The following NINL variants were observed in gnomAD, a reference collection of about 807,000 sequenced individuals.
NINL encodes ninein like, also known as ninein-like protein.
NINL carries 153 observed loss-of-function variants against 160.3 expected under a neutral mutation model. The ratio of observed to expected loss-of-function variants is 0.95; its 90% CI spans 0.84 to 1.09. The LOEUF is 1.09. Among genes scored for constraint, NINL ranks in the 50% least tolerant of loss-of-function variants. The probability of loss-of-function intolerance (pLI) is 0.00; values close to 1 mark genes in which losing one functional copy is unlikely to be tolerated. For synonymous variants in NINL, 800 were observed against 734.8 expected (o/e 1.09, Z -1.43); for missense variants, 1,829 against 1,764.0 (o/e 1.04, Z -0.66).
Position 25,476,409 on chromosome 20 carries a change from G to T in NINL, c.2882C>A (p.Pro961His), listed in dbSNP as rs1372129398. The T allele has an allele frequency of 6.3e-7, 1 of 1,574,826 alleles. No homozygotes were observed. Among genetic ancestry groups the T allele is most frequent in the Non-Finnish European group, 8.6e-7 (1 of 1,166,478 alleles). ...CCTGCACGAAGCGGCCGGCCTCAGG[G>T]GTGGCTCCCACATCCGTGGCTGGGT... ...SQTQPRMWEP[P>H]LRPAASCRGQ... Residue 961 changes from proline to histidine, a missense_variant, in exon 17 of 24, where the codon CCC (proline) becomes CAC (histidine). Coordinates refer to ENST00000278886, the MANE Select transcript of NINL (RefSeq NM_025176.6).
Position 25,515,698 on chromosome 20 carries a change from TC to T in NINL, c.277+2054del, listed in dbSNP as rs73620344. Among the ~76,000 whole-genome samples, 84 of 152,266 alleles carry T rather than the reference TC, an allele frequency of 5.5e-4. No individual in the cohort carries two copies. The East Asian group carries it at 0.016, about 29-fold the overall frequency. On this transcript the variant is annotated intron_variant, in intron 3 of 23. Transcript: ENST00000278886. Reference sequence around the variant, plus strand: ...GTGATTGAATCATGGAGGCAGAACTTCCCCCTTGCTGTTTTTGTGACAGTGA... The same window carrying T: ...GTGATTGAATCATGGAGGCAGAACTTCCCCTTGCTGTTTTTGTGACAGTGA...
intron 1 of NINL, among the ~76,000 whole-genome samples, chr20:25,569,608 G>A (rs1600360028): frequency 6.6e-6 from 1 of 152,162 alleles, no homozygotes; most frequent in South Asian, 2.1e-4. Context: ...CTCCTGGGAG[G>A]CCCTGCAGGA....
chr20:25,567,731 T>C (rs1373056109), intron 1 of NINL, among the ~76,000 whole-genome samples: 1 of 152,128 alleles, frequency 6.6e-6, no homozygotes, highest in Non-Finnish European at 1.5e-5. Flanking sequence ...ATACAAAATA[T>C]GCTATCAGAC....
chr20:25,519,988 TCAAAAAAAA>T (rs2064233180), intron 2 of NINL, among the ~76,000 whole-genome samples: 1 of 11,556 alleles, frequency 8.7e-5, no homozygotes, highest in African/African-American at 3.4e-4. Context: ...AGACCCCGTC[TCAAAAAAAA>T]AAAAAAAAAA....
intron 5 of NINL, among the ~76,000 whole-genome samples, chr20:25,506,775 C>T (rs771843671): frequency 1.3e-5 from 2 of 152,200 alleles, no homozygotes; most frequent in Non-Finnish European, 2.9e-5. Flanking sequence ...TGACCTCACA[C>T]CATCAAGAAG....
In NINL at chr20:25,512,819, A is replaced by G. The variant is rs762832559; in HGVS notation, c.450+15T>C. 1.9e-6 allele frequency: 3 copies of G among 1,593,674 alleles called. No individual in the cohort carries two copies. Among genetic ancestry groups the G allele is most frequent in the South Asian group, 1.1e-5 (1 of 89,234 alleles). On this transcript the variant is annotated intron_variant, in intron 4 of 23. Transcript: ENST00000278886. Reference sequence around the variant, plus strand: ...CAACACTGGGCAGCTGGGGTGGGAGAGGGGCCTGACCCACCTCCACGCTCT... The same window carrying G: ...CAACACTGGGCAGCTGGGGTGGGAGGGGGGCCTGACCCACCTCCACGCTCT...
intron 10 of NINL, 101 bp downstream of exon 10, chr20:25,496,562 C>A: frequency 7.0e-7 from 1 of 1,434,126 alleles, no homozygotes; most frequent in Non-Finnish European, 9.5e-7. Context: ...CACTGAGCCA[C>A]ACCCGCAGCT....
At chr20:25,563,730 T>G (rs957863353) in intron 1 of NINL, among the ~76,000 whole-genome samples, 3 of 152,174 alleles carry the variant, frequency 2.0e-5, no homozygotes, top group African/African-American at 7.2e-5. Flanking sequence ...ACAGCCATAT[T>G]AATATGAAAA....
At chr20:25,511,095 T>TATCA (rs1037896785) in intron 4 of NINL, among the ~76,000 whole-genome samples, 1 of 152,200 alleles carries the variant, frequency 6.6e-6, no homozygotes, top group African/African-American at 2.4e-5. Flanking sequence ...TGCATGGTGA[T>TATCA]GGCTTCAGAC....
intron 1 of NINL, among the ~76,000 whole-genome samples, chr20:25,553,115 T>TTG (rs927134942): frequency 1.7e-4 from 24 of 144,838 alleles, no homozygotes; most frequent in African/African-American, 5.6e-4. Flanking sequence ...TTTTTTTTTT[T>TTG]TTTTTTGGAG....
At chr20:25,552,171 T>C (rs1297428989) in intron 1 of NINL, among the ~76,000 whole-genome samples, 1 of 152,182 alleles carries the variant, frequency 6.6e-6, no homozygotes, top group Non-Finnish European at 1.5e-5. Flanking sequence ...CAAAATTTCA[T>C]TTTCTTTTAC....
intron 1 of NINL, among the ~76,000 whole-genome samples, chr20:25,547,401 T>G (rs768085308): frequency 2.0e-5 from 3 of 152,170 alleles, no homozygotes; most frequent in Non-Finnish European, 2.9e-5. Context: ...TATCAGATGA[T>G]CAACCCCCAG....
intron 1 of NINL, among the ~76,000 whole-genome samples, chr20:25,552,824 T>C (rs538232650): frequency 2.6e-5 from 4 of 152,342 alleles, no homozygotes; most frequent in Non-Finnish European, 4.4e-5. Flanking sequence ...TCTTACAGCT[T>C]GGAGGACAAG....
At chr20:25,549,862 A>G (rs2064785576) in intron 1 of NINL, among the ~76,000 whole-genome samples, 1 of 152,226 alleles carries the variant, frequency 6.6e-6, no homozygotes, top group Non-Finnish European at 1.5e-5. Context: ...TCAGAACTCC[A>G]GGTAGAATAT....
chr20:25,515,726 T>G (rs528594586), intron 3 of NINL, among the ~76,000 whole-genome samples: 1 of 152,078 alleles, frequency 6.6e-6, no homozygotes, highest in Non-Finnish European at 1.5e-5. Flanking sequence ...TGACAGTGAG[T>G]GAGTTCTCAT....
intron 14 of NINL, among the ~76,000 whole-genome samples, 169 bp from the exon 15 acceptor site, chr20:25,480,436 C>T (rs1239394722): frequency 1.3e-5 from 2 of 152,160 alleles, no homozygotes; most frequent in African/African-American, 2.4e-5. Flanking sequence ...CATAGCATTC[C>T]GTTATTTATC....
chr20:25,487,727 T>C (rs1426882322), intron 13 of NINL, among the ~76,000 whole-genome samples: 2 of 152,254 alleles, frequency 1.3e-5, no homozygotes, highest in Non-Finnish European at 2.9e-5. Flanking sequence ...TTTTCTGTAT[T>C]GTTAATAATC....
chr20:25,532,652 A>C (rs532277276), intron 1 of NINL, among the ~76,000 whole-genome samples: 274 of 152,336 alleles, frequency 1.8e-3, no homozygotes, highest in Admixed American at 4.5e-3. Context: ...CTCTGCCCAG[A>C]GAGCAGCTGC....
intron 4 of NINL, among the ~76,000 whole-genome samples, chr20:25,511,351 G>A (rs568264698): frequency 2.2e-3 from 330 of 152,238 alleles, no homozygotes; most frequent in Non-Finnish European, 2.9e-3. Flanking sequence ...ACAAGAGCCC[G>A]GGCCATCAAG....
Sources: allele counts gnomAD v4.1 joint callset (sites outside exome capture counted in the v4.1 genomes callset), GRCh38; gene constraint gnomAD v4.1.1; transcripts MANE v1.5; gene names NCBI Gene and HGNC (gene_info 2026-07-23, HGNC 2026-07-21).